RIMS2: variants seen among roughly 807,000 people sequenced by gnomAD.
RIMS2 encodes regulating synaptic membrane exocytosis protein 2.
A neutral mutation model predicts 174.4 loss-of-function variants in RIMS2; 59 were observed. That is an observed-to-expected ratio of 0.34 (90% CI 0.27 to 0.42). The LOEUF is 0.42. Ranked by LOEUF, RIMS2 falls within the 10% of genes least tolerant of loss-of-function variation. RIMS2 has a pLI of 1.00. For synonymous variants in RIMS2, 606 were observed against 572.5 expected (o/e 1.06, Z -0.84); for missense variants, 1,620 against 1,666.3 (o/e 0.97, Z 0.48).
intron 15 of RIMS2, among the ~76,000 whole-genome samples, chr8:103,967,645 G>A (rs558188354): frequency 3.9e-5 from 6 of 152,094 alleles, no homozygotes; most frequent in African/African-American, 1.4e-4. Flanking sequence ...AACTATAATG[G>A]TGGATTCATC....
At chr8:103,659,458 AG>A (rs1413162173) in intron 1 of RIMS2, among the ~76,000 whole-genome samples, 1 of 152,198 alleles carries the variant, frequency 6.6e-6, no homozygotes, top group African/African-American at 2.4e-5. Context: ...CCCAGGAAGA[AG>A]GTAGTCAAGC....
intron 2 of RIMS2, among the ~76,000 whole-genome samples, chr8:103,704,612 T>C (rs1430306968): frequency 6.6e-6 from 1 of 152,140 alleles, no homozygotes; most frequent in Non-Finnish European, 1.5e-5. Context: ...GGCTTTTGTT[T>C]GATGACAGAC....
intron 1 of RIMS2, among the ~76,000 whole-genome samples, chr8:103,515,023 C>G (rs1828350647): frequency 6.6e-6 from 1 of 151,948 alleles, no homozygotes. Context: ...AAAATTCATC[C>G]TCTTTAAATT....
At chr8:103,687,696 A>G (rs2096959600) in intron 1 of RIMS2, among the ~76,000 whole-genome samples, 4 of 152,088 alleles carry the variant, frequency 2.6e-5, no homozygotes. Context: ...GGTGATCATA[A>G]TTCTACCCTC....
chr8:104,173,730 G>A (rs1408107413), intron 19 of RIMS2, among the ~76,000 whole-genome samples: 6 of 135,214 alleles, frequency 4.4e-5, no homozygotes, highest in Non-Finnish European at 6.1e-5. Flanking sequence ...CCGGGTTCAC[G>A]CCATTCTCCT....
intron 1 of RIMS2, among the ~76,000 whole-genome samples, chr8:103,554,571 T>G (rs1203831000): frequency 6.6e-6 from 1 of 152,292 alleles, no homozygotes; most frequent in Non-Finnish European, 1.5e-5. Context: ...AGGGAACACT[T>G]ATGCACTGTT....
At chr8:104,126,123 C>G (rs943552078) in intron 19 of RIMS2, among the ~76,000 whole-genome samples, 3 of 152,190 alleles carry the variant, frequency 2.0e-5, no homozygotes, top group Admixed American at 2.0e-4. Context: ...ATGGAAGAAA[C>G]CGGTTTTATG....
At chr8:103,755,787 G>T (rs1439011894) in intron 2 of RIMS2, among the ~76,000 whole-genome samples, 1 of 152,086 alleles carries the variant, frequency 6.6e-6, no homozygotes, top group Non-Finnish European at 1.5e-5. Context: ...GTTCATTTAT[G>T]TTCTTCTCTA....
At chr8:104,119,118 C>T (rs928736024) in intron 19 of RIMS2, among the ~76,000 whole-genome samples, 3 of 150,862 alleles carry the variant, frequency 2.0e-5, no homozygotes, top group African/African-American at 4.9e-5. Context: ...GAGGCCGAGG[C>T]GGGCGGATCA....
At chr8:103,800,324 C>T (rs2098598026) in intron 3 of RIMS2, among the ~76,000 whole-genome samples, 1 of 151,842 alleles carries the variant, frequency 6.6e-6, no homozygotes, top group Admixed American at 6.6e-5. Context: ...CCTTTTATTT[C>T]ATTTTTTTAT....
chr8:103,819,093 A>G (rs1593097580), intron 3 of RIMS2: 1 of 418,884 alleles, frequency 2.4e-6, no homozygotes, highest in African/African-American at 2.2e-5. Context: ...CCCCATTTTT[A>G]TTACTTCTGA....
intron 14 of RIMS2, among the ~76,000 whole-genome samples, chr8:103,949,806 A>G (rs2084876729): frequency 6.6e-6 from 1 of 152,186 alleles, no homozygotes; most frequent in African/African-American, 2.4e-5. Context: ...TAAGTGAAAT[A>G]AAGACAGAAA....
intron 2 of RIMS2, among the ~76,000 whole-genome samples, chr8:103,699,468 A>C (rs1179010877): frequency 6.6e-6 from 1 of 152,108 alleles, no homozygotes. Context: ...GGCCTCAAGC[A>C]GTTCTCCCAC....
intron 3 of RIMS2, among the ~76,000 whole-genome samples, chr8:103,883,021 T>C (rs1355979817): frequency 1.3e-5 from 2 of 151,630 alleles, no homozygotes; most frequent in South Asian, 2.1e-4. Context: ...GCTTATTAAC[T>C]TGATGAAGTT....
Position 103,767,128 on chromosome 8 carries a change from G to A in RIMS2, c.698+591G>A, listed in dbSNP as rs896160297. On this transcript the variant is annotated intron_variant, in intron 3 of 23. Transcript: ENST00000504942. ...TGTGATACTTAAAATAGTACATAGGGCTCTTATATTTACTACCTTTGGAAG... is the reference window on the plus strand; with the variant it reads ...TGTGATACTTAAAATAGTACATAGGACTCTTATATTTACTACCTTTGGAAG... Among the ~76,000 whole-genome samples, 3 of 152,026 alleles carry A rather than the reference G, an allele frequency of 2.0e-5. No individual in the cohort carries two copies. The East Asian group carries it at 5.8e-4, about 29-fold the overall frequency.
intron 14 of RIMS2, among the ~76,000 whole-genome samples, chr8:103,950,300 A>G (rs1396842600): frequency 6.6e-6 from 1 of 152,192 alleles, no homozygotes; most frequent in Non-Finnish European, 1.5e-5. Flanking sequence ...TAATACCAAC[A>G]ACTAACATAT....
intron 15 of RIMS2, among the ~76,000 whole-genome samples, chr8:103,971,810 A>T (rs189233930): frequency 5.3e-4 from 80 of 152,268 alleles, no homozygotes; most frequent in Admixed American, 1.0e-3. Flanking sequence ...ACCTCAAGTG[A>T]TCTTCCCACC....
chr8:104,022,449 C>G (rs752780411), intron 19 of RIMS2, among the ~76,000 whole-genome samples: 5 of 152,022 alleles, frequency 3.3e-5, no homozygotes, highest in Non-Finnish European at 7.4e-5. Flanking sequence ...GGCGCACAGT[C>G]TCAGCTCACT....
At position 103,961,174 on chromosome 8, in the gene RIMS2, T is replaced by C; in HGVS notation, c.2770+41T>C. ...TTATTTTATAGTATTAAAAAGGGAG[T>C]GCAATTCATCATCATTTACCATAAA... On this transcript the variant is annotated intron_variant, in intron 15 of 23. Transcript: ENST00000504942. The C allele has an allele frequency of 3.5e-6, 3 of 859,472 alleles. No homozygotes were observed. The South Asian group carries it at 4.2e-5, about 12-fold the overall frequency. 53.2% of individuals were successfully genotyped at this position (859,472 alleles called of 1,614,324 possible). A position where few individuals can be genotyped will look rare whatever the true frequency, so the allele number is the denominator to read the frequency against.
Sources: gnomAD v4.1 joint callset for allele counts (sites outside exome capture counted in the v4.1 genomes callset) on GRCh38, gnomAD v4.1.1 for gene constraint, MANE v1.5 for transcripts, NCBI Gene and HGNC (gene_info 2026-07-23, HGNC 2026-07-21) for gene names.